MYORG: variants seen among roughly 807,000 people sequenced by gnomAD.
MYORG encodes the protein myogenesis regulating glycosidase.
MYORG carries 45 observed loss-of-function variants against 49.8 expected under a neutral mutation model. The observed-to-expected ratio is 0.90, with a 90% CI of 0.71 to 1.16. The LOEUF is 1.16. MYORG is among the 50% of genes most tolerant of loss of function. The pLI, the probability that MYORG is intolerant of heterozygous loss-of-function variation, is 0.00. For synonymous variants in MYORG, 552 were observed against 462.9 expected (o/e 1.19, Z -2.47); for missense variants, 1,110 against 1,026.5 (o/e 1.08, Z -1.11).
rs757256895 is a variant in MYORG at position 34,372,905 on chromosome 9, G to T, written c.39C>A (p.Pro13=). 3 of 1,613,868 alleles carry T rather than the reference G, an allele frequency of 1.9e-6. No homozygotes were observed. In the South Asian group the frequency reaches 3.3e-5, roughly 18 times the overall value. Reference sequence around the variant, plus strand: ...CGTAGCAGCCAGGCCGGCGGCGGCGGGGGTAGGCCTGGCTCTTCTCCTGAG... The same window carrying T: ...CGTAGCAGCCAGGCCGGCGGCGGCGTGGGTAGGCCTGGCTCTTCTCCTGAG... ...QNPQEKSQAY[P]RRRRPGCYAY... The change falls in exon 2 of 2, where the codon CCC becomes CCA. Residue 13 remains proline (P), a synonymous_variant. Transcript: ENST00000297625.
At position 34,372,331 on chromosome 9, in the gene MYORG, C is replaced by G; in HGVS notation, c.613G>C (p.Glu205Gln). 2 of 1,604,852 alleles carry G rather than the reference C, an allele frequency of 1.2e-6. No individual in the cohort carries two copies. The highest frequency in any genetic ancestry group is 1.7e-6 in the Non-Finnish European group (2 of 1,176,614). ...TCGCTGGTGACGAACGGCTGGGGCT[C>G]CTGCTGGCCATCCAGGCGGATGGGC... Reference protein sequence around the residue: ...HWPIRLDGQQEPQPFVTSDVY... With the variant: ...HWPIRLDGQQQPQPFVTSDVY... The change falls in exon 2 of 2, where the codon GAG (glutamate) becomes CAG (glutamine). Residue 205 changes from glutamate to glutamine, a missense_variant. By Grantham distance (29) the Glu-to-Gln change is conservative. Coordinates refer to ENST00000297625, the MANE Select transcript of MYORG (RefSeq NM_020702.5).
At position 34,372,521 on chromosome 9, in the gene MYORG, C is replaced by T; in HGVS notation, c.423G>A (p.Leu141=). Residue 141 remains leucine, a synonymous_variant, in exon 2 of 2, where the codon CTG becomes CTA. Coordinates refer to ENST00000297625, the MANE Select transcript of MYORG (RefSeq NM_020702.5). ...LLGCSLTADG[L]PLHFFIQTVR... is the part of the protein sequence containing the mutation. ...CAGTCTGGATGAAGAAGTGCAGCGG[C>T]AGCCCGTCGGCCGTGAGCGAGCAGC... 6.2e-7 allele frequency: 1 copy of T among 1,600,904 alleles called. No homozygotes were observed. Among genetic ancestry groups the T allele is most frequent in the South Asian group, 1.1e-5 (1 of 89,558 alleles).
Position 34,370,661 on chromosome 9 carries a change from A to C in MYORG, c.*138T>G, listed in dbSNP as rs1820573757. On this transcript the variant is annotated 3_prime_UTR_variant, in exon 2 of 2. Coordinates refer to ENST00000297625, the MANE Select transcript of MYORG (RefSeq NM_020702.5). ...GGCCCCACCTTCAGCAGCTGGTTCCAGCACATTTAAGTCAGCAGCCACTTA... is the reference window on the plus strand; with the variant it reads ...GGCCCCACCTTCAGCAGCTGGTTCCCGCACATTTAAGTCAGCAGCCACTTA... 2 of 1,412,616 alleles carry C rather than the reference A, an allele frequency of 1.4e-6. No homozygotes were observed. The highest frequency in any genetic ancestry group is 3.2e-5 in the South Asian group (2 of 63,416). The allele number at this position is 1,412,616 out of a possible 1,614,324, so 87.5% of individuals were successfully genotyped here.
intron 1 of MYORG, among the ~76,000 whole-genome samples, chr9:34,373,214 C>G (rs1344198130): frequency 6.6e-6 from 1 of 152,200 alleles, no homozygotes; most frequent in Non-Finnish European, 1.5e-5. Context: ...CAAATTAGGA[C>G]TCTGTGACTG....
Position 34,371,868 on chromosome 9 carries a change from G to A in MYORG, c.1076C>T (p.Ala359Val), listed in dbSNP as rs781547896. 1.1e-5 allele frequency: 17 copies of A among 1,613,972 alleles called. No individual in the cohort carries two copies. The East Asian group carries it at 3.6e-4, about 34-fold the overall frequency. ...CTCATCGAAGTCGAAGTCGCCATAAGCAGGTGTGTACATGTCGTCGATTTC... is the reference window on the plus strand; with the variant it reads ...CTCATCGAAGTCGAAGTCGCCATAAACAGGTGTGTACATGTCGTCGATTTC... ...HLEIDDMYTP[A>V]YGDFDFDEVK... is the part of the protein sequence containing the mutation. Residue 359 changes from alanine to valine, a missense_variant, in exon 2 of 2, where the codon GCT (alanine) becomes GTT (valine). Coordinates refer to ENST00000297625, the MANE Select transcript of MYORG (RefSeq NM_020702.5).
Position 34,372,929 on chromosome 9 carries a change from A to C in MYORG, c.15T>G (p.Pro5=), listed in dbSNP as rs1344972338. The C allele has an allele frequency of 6.2e-7, 1 of 1,613,218 alleles. No homozygotes were observed. The highest frequency in any genetic ancestry group is 8.5e-7 in the Non-Finnish European group (1 of 1,179,540). MLQN[P]QEKSQAYPRR... ...GGGGGTAGGCCTGGCTCTTCTCCTG[A>C]GGGTTCTGGAGCATTAGTGGGCTGC... The change falls in exon 2 of 2, where the codon CCT becomes CCG. Residue 5 remains proline, a synonymous_variant. Transcript: ENST00000297625.
In MYORG at chr9:34,371,110, C is replaced by T. The variant is rs367645331; in HGVS notation, c.1834G>A (p.Ala612Thr). 18 of 1,607,960 alleles carry T rather than the reference C, an allele frequency of 1.1e-5. No individual in the cohort carries two copies. In the South Asian group the frequency reaches 1.3e-4, roughly 12 times the overall value. ...AGCAACAGCGGTGCCACAAGCGAGG[C>T]CCGCAGGGCGGCGAACTTCTGCGCG... ...AIAQKFAALR[A>T]SLVAPLLLEL... Residue 612 changes from alanine to threonine, a missense_variant, in exon 2 of 2, where the codon GCC (alanine) becomes ACC (threonine). Ala to Thr is a moderately conservative substitution (Grantham distance 58). Transcript: ENST00000297625.
Position 34,372,142 on chromosome 9 carries a change from T to C in MYORG, c.802A>G (p.Lys268Glu), listed in dbSNP as rs1469973388. 1.2e-6 allele frequency: 2 copies of C among 1,611,548 alleles called. No homozygotes were observed. Among genetic ancestry groups the C allele is most frequent in the Non-Finnish European group, 1.7e-6 (2 of 1,179,632 alleles). ...GCTGCGGCGCGGCCGGCGGGTGGCTTGTAGGGCGTGTCGTGGTAGCGCGCC... is the reference window on the plus strand; with the variant it reads ...GCTGCGGCGCGGCCGGCGGGTGGCTCGTAGGGCGTGTCGTGGTAGCGCGCC... ...LQARYHDTPY[K>E]PPAGRAAAPE... The change falls in exon 2 of 2, where the codon AAG becomes GAG. Residue 268 changes from lysine to glutamate, a missense_variant. Coordinates refer to ENST00000297625, the MANE Select transcript of MYORG (RefSeq NM_020702.5).
At position 34,371,491 on chromosome 9, in the gene MYORG, C is replaced by T. The variant is rs1421191400; in HGVS notation, c.1453G>A (p.Val485Ile). Residue 485 changes from valine (V) to isoleucine (I), a missense_variant, in exon 2 of 2, where the codon GTC (valine) becomes ATC (isoleucine). Coordinates refer to ENST00000297625, the MANE Select transcript of MYORG (RefSeq NM_020702.5). ...STYRPLPDPS[V>I]WSRRYTEMAL... ...ATCTCAGTGTAGCGCCGGCTCCAGA[C>T]GCTGGGGTCCGGCAGCGGCCGGTAG... 2.5e-6 allele frequency: 4 copies of T among 1,611,366 alleles called. No individual in the cohort carries two copies. The African/African-American group carries it at 5.3e-5, about 22-fold the overall frequency.
At position 34,371,087 on chromosome 9, in the gene MYORG, C is replaced by A. The variant is rs1189684719; in HGVS notation, c.1857G>T (p.Leu619Phe). ...ALRASLVAPLLLELAGEVTDT... is the reference protein window; with the variant it reads ...ALRASLVAPLFLELAGEVTDT... ...CGGTGACCTCGCCCGCCAGCTCAAGCAACAGCGGTGCCACAAGCGAGGCCC... is the reference window on the plus strand; with the variant it reads ...CGGTGACCTCGCCCGCCAGCTCAAGAAACAGCGGTGCCACAAGCGAGGCCC... Residue 619 changes from leucine to phenylalanine, a missense_variant, in exon 2 of 2, where the codon TTG (leucine) becomes TTT (phenylalanine). Transcript: ENST00000297625. 1.2e-6 allele frequency: 2 copies of A among 1,609,852 alleles called. No individual in the cohort carries two copies. The highest frequency in any genetic ancestry group is 1.3e-5 in the African/African-American group (1 of 74,852).
Position 34,371,266 on chromosome 9 carries a change from G to A in MYORG, c.1678C>T (p.Pro560Ser), listed in dbSNP as rs747562579. The A allele has an allele frequency of 7.5e-6, 12 of 1,608,710 alleles. No homozygotes were observed. The highest frequency in any genetic ancestry group is 2.2e-5 in the East Asian group (1 of 44,606). ...LPDMVGGNAV[P>S]QRTAGGDVPE... ...ACATCGCCGCCGGCTGTCCGCTGGGGCACGGCGTTGCCGCCCACCATATCG... is the reference window on the plus strand; with the variant it reads ...ACATCGCCGCCGGCTGTCCGCTGGGACACGGCGTTGCCGCCCACCATATCG... The change falls in exon 2 of 2, where the codon CCC (proline) becomes TCC (serine). Residue 560 changes from proline (P) to serine (S), a missense_variant. By Grantham distance (74) the Pro-to-Ser change is moderately conservative (BLOSUM62 -1). Coordinates refer to ENST00000297625, the MANE Select transcript of MYORG (RefSeq NM_020702.5).
chr9:34,371,762 A>C lies in MYORG; in HGVS notation c.1182T>G (p.Phe394Leu), dbSNP rs1337257651. 1 of 1,613,598 alleles carries C rather than the reference A, an allele frequency of 6.2e-7. No homozygotes were observed. Among genetic ancestry groups the C allele is most frequent in the Non-Finnish European group, 8.5e-7 (1 of 1,179,736 alleles). Residue 394 changes from phenylalanine (F) to leucine (L), a missense_variant, in exon 2 of 2, where the codon TTT becomes TTG. Physicochemically the swap from Phe to Leu is conservative, Grantham distance 22. Transcript: ENST00000297625. The stretch of plus-strand genomic sequence containing the variant: ...CGAAGCGCGACGAGTTGTAGTTGAC[A>C]AAAGGGTGCACCCAGAGCGTGACGC... ...GFRVTLWVHP[F>L]VNYNSSRFGE...
In MYORG at chr9:34,371,855, G is replaced by T. The variant is rs752145027; in HGVS notation, c.1089C>A (p.Phe363Leu). The change falls in exon 2 of 2, where the codon TTC (phenylalanine) becomes TTA (leucine). Residue 363 changes from phenylalanine (F) to leucine (L), a missense_variant. Physicochemically the swap from Phe to Leu is conservative, Grantham distance 22 (BLOSUM62 0). Transcript: ENST00000297625. Reference sequence around the variant, plus strand: ...TGGGGAATTTGACCTCATCGAAGTCGAAGTCGCCATAAGCAGGTGTGTACA... The same window carrying T: ...TGGGGAATTTGACCTCATCGAAGTCTAAGTCGCCATAAGCAGGTGTGTACA... ...DDMYTPAYGD[F>L]DFDEVKFPNA... is the part of the protein sequence containing the mutation. 6.2e-6 allele frequency: 10 copies of T among 1,614,090 alleles called. No individual in the cohort carries two copies. The East Asian group carries it at 1.3e-4, about 22-fold the overall frequency.
In MYORG at chr9:34,372,828, A is replaced by T; in HGVS notation, c.116T>A (p.Leu39Gln). Reference sequence around the variant, plus strand: ...CTTGGCAGGTGAGAAGTTGTCGGGCAGGAAGGTGTACATAGCTGCGGCTGC... The same window carrying T: ...CTTGGCAGGTGAGAAGTTGTCGGGCTGGAAGGTGTACATAGCTGCGGCTGC... ...AIAAAAMYTF[L>Q]PDNFSPAKPK... Residue 39 changes from leucine (L) to glutamine (Q), a missense_variant, in exon 2 of 2, where the codon CTG becomes CAG. Physicochemically the swap from Leu to Gln is moderately radical, Grantham distance 113. Transcript: ENST00000297625. 1 of 1,614,040 alleles carries T rather than the reference A, an allele frequency of 6.2e-7. No homozygotes were observed. Among genetic ancestry groups the T allele is most frequent in the Non-Finnish European group, 8.5e-7 (1 of 1,179,892 alleles).
Position 34,372,647 on chromosome 9 carries a change from G to T in MYORG, c.297C>A (p.Gly99=). 1.9e-6 allele frequency: 3 copies of T among 1,607,360 alleles called. No homozygotes were observed. The highest frequency in any genetic ancestry group is 1.1e-5 in the South Asian group (1 of 90,136). Residue 99 remains glycine, a synonymous_variant, in exon 2 of 2, where the codon GGC becomes GGA. Transcript: ENST00000297625. ...RAELLDLKAG[G]FSIRNQKGEQ... ...CTCCCTTCTGATTGCGGATGGAGAA[G>T]CCGCCAGCTTTCAGGTCCAGCAGCT...
At position 34,372,852 on chromosome 9, in the gene MYORG, G is replaced by C. The variant is rs1464194992; in HGVS notation, c.92C>G (p.Ala31Gly). ...CAGGAAGGTGTACATAGCTGCGGCT[G>C]CGATGGCCTCGGGGTTCTGACGGTA... ...YAYRQNPEAI[A>G]AAAMYTFLPD... is the part of the protein sequence containing the mutation. Residue 31 changes from alanine to glycine, a missense_variant, in exon 2 of 2, where the codon GCA (alanine) becomes GGA (glycine). Physicochemically the swap from Ala to Gly is moderately conservative, Grantham distance 60. Coordinates refer to ENST00000297625, the MANE Select transcript of MYORG (RefSeq NM_020702.5). The C allele has an allele frequency of 4.3e-6, 7 of 1,613,892 alleles. No homozygotes were observed. The highest frequency in any genetic ancestry group is 5.9e-6 in the Non-Finnish European group (7 of 1,179,896).
rs749897076 is a variant in MYORG, at chr9:34,371,284, C to T, written c.1660G>A (p.Val554Met). Residue 554 changes from valine to methionine, a missense_variant, in exon 2 of 2, where the codon GTG becomes ATG. Coordinates refer to ENST00000297625, the MANE Select transcript of MYORG (RefSeq NM_020702.5). The part of the protein sequence containing the change: ...LGYPFILPDM[V>M]GGNAVPQRTA... ...CGCTGGGGCACGGCGTTGCCGCCCACCATATCGGGTAGGATGAATGGGTAG... is the reference window on the plus strand; with the variant it reads ...CGCTGGGGCACGGCGTTGCCGCCCATCATATCGGGTAGGATGAATGGGTAG... 3.1e-6 allele frequency: 5 copies of T among 1,610,734 alleles called. No individual in the cohort carries two copies. The highest frequency in any genetic ancestry group is 3.4e-5 in the Admixed American group (2 of 59,630).
At position 34,367,869 on chromosome 9, in the gene MYORG, T is replaced by TG. The variant is rs1166506703; in HGVS notation, c.*2929dup. On this transcript the variant is annotated 3_prime_UTR_variant, in exon 2 of 2. Coordinates refer to ENST00000297625, the MANE Select transcript of MYORG (RefSeq NM_020702.5). ...ACAGCTCTACTAGGCAGTGTCCCAG[T>TG]GGGGTCTCTGTGTGGGGGCTTCCCC... The TG allele has an allele frequency of 2.0e-5, 3 of 152,246 alleles. No homozygotes were observed. The highest frequency in any genetic ancestry group is 2.9e-5 in the Non-Finnish European group (2 of 68,056). 9.4% of individuals were successfully genotyped at this position (152,246 alleles called of 1,614,324 possible).
Position 34,371,603 on chromosome 9 carries a change from G to A in MYORG, c.1341C>T (p.His447=), listed in dbSNP as rs748707481. 3 of 1,606,062 alleles carry A rather than the reference G, an allele frequency of 1.9e-6. No homozygotes were observed. The highest frequency in any genetic ancestry group is 2.2e-5 in the East Asian group (1 of 44,730). ...HPKARDWFQG[H]LRRLRSRYSV... is the part of the protein sequence containing the mutation. ...AGTAGCGAGAGCGCAGCCGCCGCAG[G>A]TGTCCCTGGAACCAGTCGCGGGCCT... Residue 447 remains histidine, a synonymous_variant, in exon 2 of 2, where the codon CAC becomes CAT. Coordinates refer to ENST00000297625, the MANE Select transcript of MYORG (RefSeq NM_020702.5).
Sources: gnomAD v4.1 joint callset for allele counts (sites outside exome capture counted in the v4.1 genomes callset) on GRCh38, gnomAD v4.1.1 for gene constraint, MANE v1.5 for transcripts, NCBI Gene and HGNC (gene_info 2026-07-23, HGNC 2026-07-21) for gene names.